FOXP1: variants seen among roughly 807,000 people sequenced by gnomAD.
The protein encoded by FOXP1 is forkhead box P1.
A neutral mutation model predicts 98.2 loss-of-function variants in FOXP1; 15 were observed. The ratio of observed to expected loss-of-function variants is 0.15; its 90% confidence interval spans 0.10 to 0.24. FOXP1 has a LOEUF of 0.24. FOXP1 is among the 10% of genes least tolerant of loss of function. The pLI is 1.00. For synonymous variants in FOXP1, 371 were observed against 314.5 expected (o/e 1.18, Z -1.90); for missense variants, 633 against 848.5 (o/e 0.75, Z 3.15).
intron 3 of FOXP1, among the ~76,000 whole-genome samples, chr3:71,410,166 G>A (rs72959366): frequency 0.033 from 5,093 of 152,234 alleles, 278 homozygotes; most frequent in African/African-American, 0.11. Flanking sequence ...TGCAATAAGG[G>A]ACTTCAAATA....
At chr3:71,200,136 T>TTTCAC (rs2063578858) in intron 5 of FOXP1, among the ~76,000 whole-genome samples, 1 of 145,944 alleles carries the variant, frequency 6.9e-6, no homozygotes, top group Admixed American at 6.9e-5. Context: ...TGTAAATACA[T>TTTCAC]TTCACATTCA....
At chr3:70,970,547 T>A (rs1407591848) in intron 19 of FOXP1, 189 bp downstream of exon 19, 18 of 610,826 alleles carry the variant, frequency 2.9e-5, no homozygotes, top group Non-Finnish European at 5.3e-5. Flanking sequence ...TTCAAAATGC[T>A]AAGCATCCCG....
At chr3:71,349,726 C>T (rs1447250313) in intron 4 of FOXP1, among the ~76,000 whole-genome samples, 2 of 152,058 alleles carry the variant, frequency 1.3e-5, no homozygotes, top group Admixed American at 1.3e-4. Flanking sequence ...AAGCTTTTGA[C>T]AACCAATGAG....
At chr3:71,137,668 G>A (rs1017110442) in intron 6 of FOXP1, among the ~76,000 whole-genome samples, 1 of 152,014 alleles carries the variant, frequency 6.6e-6, no homozygotes, top group African/African-American at 2.4e-5. Flanking sequence ...TCAGCCTAAG[G>A]TATCTGGTCT....
At chr3:71,141,537 A>G (rs1338489559) in intron 6 of FOXP1, among the ~76,000 whole-genome samples, 1 of 152,210 alleles carries the variant, frequency 6.6e-6, no homozygotes, top group Non-Finnish European at 1.5e-5. Context: ...TTCAAAACAA[A>G]TGTTAAAGTT....
At chr3:71,579,632 C>CTTTTTTT (rs35646548) in intron 2 of FOXP1, among the ~76,000 whole-genome samples, 326 of 122,752 alleles carry the variant, frequency 2.7e-3, no homozygotes, top group East Asian at 7.8e-3. Context: ...TTTCTTTTTT[C>CTTTTTTT]TTTTTTTTTT....
intron 7 of FOXP1, among the ~76,000 whole-genome samples, chr3:71,057,567 C>T (rs1193214702): frequency 1.3e-5 from 2 of 150,986 alleles, no homozygotes; most frequent in African/African-American, 2.4e-5. Flanking sequence ...TCATAGAAGG[C>T]AATTTATGAA....
chr3:71,246,860 T>C (rs1018072692), intron 5 of FOXP1, among the ~76,000 whole-genome samples: 1 of 152,178 alleles, frequency 6.6e-6, no homozygotes, highest in African/African-American at 2.4e-5. Context: ...TCAGAGAAAA[T>C]TGCTAGCTAT....
chr3:71,515,584 C>T (rs1237184563), intron 2 of FOXP1, among the ~76,000 whole-genome samples: 2 of 151,880 alleles, frequency 1.3e-5, no homozygotes, highest in Non-Finnish European at 2.9e-5. Context: ...TTTGCCAGAG[C>T]CAATCTAACA....
Position 70,997,500 on chromosome 3 carries a change from T to G in FOXP1, c.1062+3472A>C, listed in dbSNP as rs1217005471. 3.3e-5 allele frequency among the ~76,000 whole-genome samples: 5 copies of G among 152,216 alleles called. No individual in the cohort carries two copies. The East Asian group carries it at 9.6e-4, about 29-fold the overall frequency. On this transcript the variant is annotated intron_variant, in intron 13 of 20. Coordinates refer to ENST00000649528, the MANE Select transcript of FOXP1 (RefSeq NM_001349338.3). ...ATCGAATCCTTGGTTAAGGCTTCTC[T>G]TAACTGTGTCTCAGGGCAAGGGTTC...
At chr3:71,308,318 C>T (rs992731993) in intron 4 of FOXP1, among the ~76,000 whole-genome samples, 6 of 151,988 alleles carry the variant, frequency 3.9e-5, no homozygotes, top group South Asian at 2.1e-4. Flanking sequence ...TTCATCTCGG[C>T]GGAACAGATG....
chr3:70,990,990 G>A (rs2040511568), intron 13 of FOXP1, among the ~76,000 whole-genome samples: 1 of 151,936 alleles, frequency 6.6e-6, no homozygotes, highest in African/African-American at 2.4e-5. Flanking sequence ...ATCAGATGAG[G>A]TCTTGCACAT....
chr3:71,455,978 A>G (rs2087453358), intron 3 of FOXP1, among the ~76,000 whole-genome samples: 1 of 152,194 alleles, frequency 6.6e-6, no homozygotes, highest in South Asian at 2.1e-4. Context: ...ATTTGACTAC[A>G]TTAATAACAC....
chr3:71,295,758 C>T (rs988919621), intron 5 of FOXP1, among the ~76,000 whole-genome samples: 5 of 152,094 alleles, frequency 3.3e-5, no homozygotes, highest in Admixed American at 6.5e-5. Flanking sequence ...GGTAAATTGT[C>T]AATGGTGAGG....
At chr3:70,970,404 C>T (rs1037675460) in intron 19 of FOXP1, 7 of 357,190 alleles carry the variant, frequency 2.0e-5, no homozygotes, top group African/African-American at 1.3e-4. Context: ...TCATCCAGCA[C>T]ATTAATAGCT....
rs530457608 is a variant in FOXP1, at chr3:71,468,200, T to C, written c.-168+25226A>G. Among the ~76,000 whole-genome samples the C allele has an allele frequency of 3.3e-4, 51 of 152,242 alleles. No individual in the cohort carries two copies. The South Asian group carries it at 0.01, about 31-fold the overall frequency. On this transcript the variant is annotated intron_variant, in intron 3 of 20. Transcript: ENST00000649528. ...TGTCCAAACATTTGAAAAAATGAAT[T>C]TCAAAAATTCAATCACGATATGATG...
At chr3:71,192,318 C>G (rs2063034945) in intron 6 of FOXP1, among the ~76,000 whole-genome samples, 1 of 152,228 alleles carries the variant, frequency 6.6e-6, no homozygotes. Flanking sequence ...ACCATATAAC[C>G]TGCGTCATTT....
chr3:71,545,700 G>A (rs528809584), intron 2 of FOXP1, among the ~76,000 whole-genome samples: 5 of 152,068 alleles, frequency 3.3e-5, no homozygotes, highest in South Asian at 2.1e-4. Flanking sequence ...TATCGTTTTC[G>A]CAATAGGTAG....
intron 14 of FOXP1, among the ~76,000 whole-genome samples, chr3:70,982,315 TTG>T (rs947367282): frequency 5.9e-5 from 9 of 152,332 alleles, no homozygotes; most frequent in Non-Finnish European, 1.0e-4. Context: ...CATATGTGCT[TTG>T]TGTTTCTGAT....
Sources: gnomAD v4.1 joint callset for allele counts (sites outside exome capture counted in the v4.1 genomes callset) on GRCh38, gnomAD v4.1.1 for gene constraint, MANE v1.5 for transcripts, NCBI Gene and HGNC (gene_info 2026-07-23, HGNC 2026-07-21) for gene names.